Variants in GLIS3 observed in about 807,000 individuals in gnomAD.
GLIS3 encodes the protein GLIS family zinc finger 3.
A neutral mutation model predicts 78.6 loss-of-function variants in GLIS3; 53 were observed. The observed-to-expected ratio is 0.67, with a 90% CI of 0.54 to 0.85. GLIS3 has a LOEUF of 0.85. Ranked by LOEUF, GLIS3 falls within the 40% of genes least tolerant of loss-of-function variation. The pLI is 0.00. For missense variants in GLIS3, 1,703 were observed against 1,231.1 expected (o/e 1.38, Z -5.74); for synonymous variants, 684 against 509.9 (o/e 1.34, Z -4.60).
At chr9:4,472,558 G>A in the GLIS3 span, among the ~76,000 whole-genome samples, 1 of 148,124 alleles carries the variant, frequency 6.8e-6, no homozygotes, top group Non-Finnish European at 1.5e-5. Context: ...ACTGAACAAT[G>A]AGAACACTTG....
At chr9:4,155,620 C>G (rs556174584) in intron 2 of GLIS3, among the ~76,000 whole-genome samples, 6 of 152,194 alleles carry the variant, frequency 3.9e-5, no homozygotes, top group Non-Finnish European at 8.8e-5. Context: ...AAAAGCCCTC[C>G]TGAATTTCAG....
At chr9:4,254,279 A>G (rs993696112) in intron 2 of GLIS3, among the ~76,000 whole-genome samples, 1 of 152,246 alleles carries the variant, frequency 6.6e-6, no homozygotes, top group Non-Finnish European at 1.5e-5. Context: ...CATTCATGAT[A>G]TCAACAACAT....
chr9:4,044,989 T>C (rs1825128290), intron 4 of GLIS3, among the ~76,000 whole-genome samples: 2 of 152,150 alleles, frequency 1.3e-5, no homozygotes, highest in African/African-American at 4.8e-5. Context: ...GAAAGCTGTT[T>C]GGTAGTGCAG....
chr9:3,888,406 GA>G (rs1822217871), intron 7 of GLIS3, among the ~76,000 whole-genome samples: 1 of 152,140 alleles, frequency 6.6e-6, no homozygotes. Context: ...ACTTCACAGT[GA>G]AGGCTTCTTG....
intron 4 of GLIS3, among the ~76,000 whole-genome samples, chr9:4,105,147 T>G (rs1586681065): frequency 6.6e-6 from 1 of 152,218 alleles, no homozygotes; most frequent in African/African-American, 2.4e-5. Flanking sequence ...CTTTTAAATT[T>G]CATATCATAC....
the GLIS3 span, among the ~76,000 whole-genome samples, chr9:4,468,315 C>G: frequency 3.9e-5 from 6 of 152,240 alleles, no homozygotes; most frequent in Admixed American, 1.3e-4. Context: ...AGAAGAGCAA[C>G]TCCAAGACAC....
intron 7 of GLIS3, among the ~76,000 whole-genome samples, chr9:3,881,461 C>T (rs1290118839): frequency 6.6e-6 from 1 of 152,172 alleles, no homozygotes; most frequent in Non-Finnish European, 1.5e-5. Flanking sequence ...TTGGTGTGCA[C>T]ACTCTGTGCT....
intron 2 of GLIS3, among the ~76,000 whole-genome samples, chr9:4,325,986 G>T (rs995205140): frequency 1.4e-4 from 21 of 152,146 alleles, no homozygotes; most frequent in African/African-American, 5.1e-4. Context: ...TCACTTATAA[G>T]TGGGAGCTGA....
At position 3,946,987 on chromosome 9, in the gene GLIS3, T is replaced by C. The variant is rs577022825; in HGVS notation, c.1711-9798A>G. On this transcript the variant is annotated intron_variant, in intron 4 of 10. Transcript: ENST00000381971. ...GCAGTTTCCCACGACGCCACGCCTC[T>C]GTCGGCCATCCTACAGCCAACCCCT... 2.1e-5 allele frequency among the ~76,000 whole-genome samples: 3 copies of C among 143,444 alleles called. No individual in the cohort carries two copies. In the South Asian group the frequency reaches 6.6e-4, roughly 32 times the overall value. 94.1% of individuals were successfully genotyped at this position (143,444 alleles called of 152,430 possible).
the GLIS3 span, among the ~76,000 whole-genome samples, chr9:4,448,867 T>C: frequency 6.6e-6 from 1 of 152,172 alleles, no homozygotes; most frequent in Non-Finnish European, 1.5e-5. Context: ...GATGGCCAAA[T>C]AGGAATAGCT....
intron 4 of GLIS3, among the ~76,000 whole-genome samples, chr9:4,114,207 A>G (rs1425478863): frequency 6.6e-6 from 1 of 152,142 alleles, no homozygotes. Flanking sequence ...AGCATGCCCA[A>G]GCTCATTCAG....
In GLIS3 at chr9:4,117,624, C is replaced by T. The variant is rs531311047; in HGVS notation, c.1710+144G>A. 3.4e-6 allele frequency: 3 copies of T among 892,082 alleles called. No homozygotes were observed. In the Admixed American group the frequency reaches 5.3e-5, roughly 16 times the overall value. The allele number at this position is 892,082 out of a possible 1,614,324, so 55.3% of individuals were successfully genotyped here. A position where few individuals can be genotyped will look rare whatever the true frequency, so the allele number is the denominator to read the frequency against. On this transcript the variant is annotated intron_variant, in intron 4 of 10. Coordinates refer to ENST00000381971, the MANE Select transcript of GLIS3 (RefSeq NM_001042413.2). ...TAACCATGAAAGAAATCTTCCCCTTCCTCAAGCTGAAGGGGAACCCCATCT... is the reference window on the plus strand; with the variant it reads ...TAACCATGAAAGAAATCTTCCCCTTTCTCAAGCTGAAGGGGAACCCCATCT...
chr9:4,216,258 G>C (rs888455504), intron 2 of GLIS3, among the ~76,000 whole-genome samples: 1 of 151,988 alleles, frequency 6.6e-6, no homozygotes, highest in African/African-American at 2.4e-5. Context: ...AGATCATGAG[G>C]TCAGGAAATC....
At position 3,933,282 on chromosome 9, in the gene GLIS3, T is replaced by C. The variant is rs185278945; in HGVS notation, c.1873-812A>G. On this transcript the variant is annotated intron_variant, in intron 5 of 10. Coordinates refer to ENST00000381971, the MANE Select transcript of GLIS3 (RefSeq NM_001042413.2). The stretch of plus-strand genomic sequence containing the variant: ...CCTCTGCCTCCTGGGTTCAAGTGAT[T>C]CCCCTGCCTCAGCTTCCTGAGTAGC... 5.4e-4 allele frequency among the ~76,000 whole-genome samples: 82 copies of C among 152,228 alleles called. 2 individuals carry two copies. The highest frequency in any genetic ancestry group is 1.9e-3 in the African/African-American group (77 of 41,520).
chr9:4,381,191 A>T, the GLIS3 span, among the ~76,000 whole-genome samples: 1 of 152,318 alleles, frequency 6.6e-6, no homozygotes, highest in East Asian at 1.9e-4. Flanking sequence ...CTTCATGGAA[A>T]ATTTGGTGGT....
At chr9:4,234,084 G>C (rs954431002) in intron 2 of GLIS3, among the ~76,000 whole-genome samples, 7 of 152,148 alleles carry the variant, frequency 4.6e-5, no homozygotes, top group Non-Finnish European at 7.3e-5. Context: ...TTTGTGGTCA[G>C]TATGACTGTC....
the GLIS3 span, among the ~76,000 whole-genome samples, chr9:4,438,747 G>A: frequency 6.6e-6 from 1 of 152,170 alleles, no homozygotes; most frequent in Non-Finnish European, 1.5e-5. Context: ...ATAAATGAGA[G>A]TTCTGCACAA....
the GLIS3 span, among the ~76,000 whole-genome samples, chr9:4,443,338 C>T: frequency 5.9e-5 from 9 of 152,070 alleles, no homozygotes; most frequent in African/African-American, 2.2e-4. Flanking sequence ...TACAGAGCAG[C>T]GAGAAAGTGT....
chr9:4,397,464 A>G, the GLIS3 span, among the ~76,000 whole-genome samples: 4 of 151,836 alleles, frequency 2.6e-5, no homozygotes, highest in African/African-American at 9.7e-5. Context: ...ATACTCAACA[A>G]TAGTAGGTGG....
Sources: gnomAD v4.1 joint callset for allele counts (sites outside exome capture counted in the v4.1 genomes callset) on GRCh38, gnomAD v4.1.1 for gene constraint, MANE v1.5 for transcripts, NCBI Gene and HGNC (gene_info 2026-07-23, HGNC 2026-07-21) for gene names.